Variants in GSE1 observed in about 807,000 individuals in gnomAD.
The protein encoded by GSE1 is genetic suppressor element 1.
GSE1 carries 32 observed loss-of-function variants against 112.6 expected under a neutral mutation model. The ratio of observed to expected loss-of-function variants is 0.28; its 90% CI spans 0.21 to 0.38. The LOEUF (loss-of-function observed/expected upper bound fraction) is 0.38. GSE1 is among the 10% of genes least tolerant of loss of function. GSE1 has a pLI of 1.00. For synonymous variants in GSE1, 1,115 were observed against 735.6 expected, an observed-to-expected ratio of 1.52 and a Z score of -8.35; for missense variants, 2,348 against 1,699.2, an observed-to-expected ratio of 1.38 and a Z score of -6.71.
At chr16:85,259,761 CT>C (rs1333389356) in intron 1 of GSE1, among the ~76,000 whole-genome samples, 6 of 152,226 alleles carry the variant, frequency 3.9e-5, no homozygotes, top group Admixed American at 6.5e-5. Context: ...TGCTCCTGCA[CT>C]GTACTGGGAC....
At chr16:85,490,338 G>C (rs1330041410) in intron 2 of GSE1, 1 of 152,264 alleles carries the variant, frequency 6.6e-6, no homozygotes, top group Non-Finnish European at 1.5e-5. Flanking sequence ...CCCTGATTCT[G>C]CTGCCCTGGG....
chr16:85,300,231 C>T (rs541430952), intron 1 of GSE1, among the ~76,000 whole-genome samples: 2 of 152,224 alleles, frequency 1.3e-5, no homozygotes, highest in South Asian at 2.1e-4. Context: ...AGGCTGGTCT[C>T]GAACTCCTGA....
intron 1 of GSE1, among the ~76,000 whole-genome samples, chr16:85,211,745 CGA>C (rs1189927698): frequency 3.3e-5 from 5 of 152,284 alleles, no homozygotes; most frequent in Non-Finnish European, 7.4e-5. Context: ...TGGGCACCCG[CGA>C]GAGAGGTATC....
At chr16:85,566,547 TTTC>T (rs2045755858) in intron 1 of GSE1, among the ~76,000 whole-genome samples, 1 of 152,146 alleles carries the variant, frequency 6.6e-6, no homozygotes, top group African/African-American at 2.4e-5. Context: ...TTGTTATAGA[TTTC>T]TTCTTCCACC....
At chr16:85,469,456 G>A (rs990595546) in intron 2 of GSE1, among the ~76,000 whole-genome samples, 5 of 152,166 alleles carry the variant, frequency 3.3e-5, no homozygotes, top group African/African-American at 9.7e-5. Flanking sequence ...TTGTGGGAGC[G>A]GGGTTGGACA....
chr16:85,343,362 G>A (rs1300914330), intron 1 of GSE1, among the ~76,000 whole-genome samples: 2 of 152,236 alleles, frequency 1.3e-5, no homozygotes, highest in East Asian at 1.9e-4. Context: ...GGGTACTACA[G>A]TGAGCAAGGG....
intron 1 of GSE1, among the ~76,000 whole-genome samples, chr16:85,587,983 C>T (rs944349572): frequency 3.3e-5 from 5 of 152,184 alleles, no homozygotes; most frequent in African/African-American, 7.2e-5. Context: ...CCTCGGTCAT[C>T]GTAATTGGTC....
chr16:85,457,145 A>T (rs961770284), intron 2 of GSE1, among the ~76,000 whole-genome samples: 4 of 152,198 alleles, frequency 2.6e-5, no homozygotes, highest in African/African-American at 9.6e-5. Context: ...AAGAAAGGGC[A>T]GCGGGGTCTG....
intron 2 of GSE1, among the ~76,000 whole-genome samples, chr16:85,362,138 A>G (rs1451414552): frequency 6.6e-6 from 1 of 152,224 alleles, no homozygotes; most frequent in Non-Finnish European, 1.5e-5. Context: ...TCTGGCAGGC[A>G]AGGCCCAAAC....
At chr16:85,177,159 G>A (rs2074484269) in intron 1 of GSE1, among the ~76,000 whole-genome samples, 1 of 152,236 alleles carries the variant, frequency 6.6e-6, no homozygotes, top group South Asian at 2.1e-4. Context: ...TCAAAACTCG[G>A]CCTCCCCTGG....
rs148462976 is a variant in GSE1, at chr16:85,545,986, T to C, written c.2465-87928T>C. ...ATTTTTAGTAGAGACGGGGTTTCACTGTGTTAGCCAGGATGGTCTCGATCT... is the reference window on the plus strand; with the variant it reads ...ATTTTTAGTAGAGACGGGGTTTCACCGTGTTAGCCAGGATGGTCTCGATCT... On this transcript the variant is annotated intron_variant, in intron 2 of 2. Transcript: ENST00000637419. 8.1e-3 allele frequency among the ~76,000 whole-genome samples: 1,232 copies of C among 152,220 alleles called. 20 individuals carry two copies. Among genetic ancestry groups the C allele is most frequent in the African/African-American group, 0.027 (1,117 of 41,536 alleles).
chr16:85,435,211 C>T (rs1047812902), intron 2 of GSE1, among the ~76,000 whole-genome samples: 1 of 152,346 alleles, frequency 6.6e-6, no homozygotes, highest in South Asian at 2.1e-4. Flanking sequence ...GCCCTGCACA[C>T]GCCAGGAGGT....
At chr16:85,583,831 G>C (rs1395258893) in intron 1 of GSE1, among the ~76,000 whole-genome samples, 1 of 152,214 alleles carries the variant, frequency 6.6e-6, no homozygotes, top group Non-Finnish European at 1.5e-5. Flanking sequence ...TGGAGGGGCT[G>C]TCTGGAGCCT....
intron 1 of GSE1, among the ~76,000 whole-genome samples, chr16:85,561,334 G>C (rs368200747): frequency 3.3e-5 from 5 of 152,322 alleles, no homozygotes; most frequent in African/African-American, 1.2e-4. Context: ...ATCCTGGGCA[G>C]TCTGGCTCCA....
At chr16:85,345,306 C>T (rs532565846) in intron 1 of GSE1, among the ~76,000 whole-genome samples, 2 of 152,324 alleles carry the variant, frequency 1.3e-5, no homozygotes, top group South Asian at 2.1e-4. Flanking sequence ...ATTGGAACAG[C>T]CACACATGTT....
chr16:85,434,278 C>T (rs2151765696), intron 2 of GSE1, among the ~76,000 whole-genome samples: 1 of 151,454 alleles, frequency 6.6e-6, no homozygotes, highest in South Asian at 2.1e-4. Context: ...CCATCTAGGG[C>T]ATGGCCTAGG....
intron 2 of GSE1, among the ~76,000 whole-genome samples, chr16:85,466,149 A>G (rs918751293): frequency 4.6e-5 from 7 of 152,228 alleles, no homozygotes; most frequent in Non-Finnish European, 2.9e-5. Context: ...ACACGTGGTC[A>G]GTGTTGAAAG....
intron 2 of GSE1, among the ~76,000 whole-genome samples, chr16:85,638,819 G>A (rs576605034): frequency 9.9e-5 from 15 of 151,766 alleles, no homozygotes; most frequent in South Asian, 8.3e-4. Context: ...CTGGGAGGGC[G>A]TGTGCTTCCC....
intron 1 of GSE1, among the ~76,000 whole-genome samples, chr16:85,302,155 C>T (rs1329284722): frequency 6.6e-6 from 1 of 152,140 alleles, no homozygotes; most frequent in African/African-American, 2.4e-5. Context: ...AGAGGAGACA[C>T]AGCCCAGGAA....
Sources: gnomAD v4.1 joint callset for allele counts (sites outside exome capture counted in the v4.1 genomes callset) on GRCh38, gnomAD v4.1.1 for gene constraint, MANE v1.5 for transcripts, NCBI Gene and HGNC (gene_info 2026-07-23, HGNC 2026-07-21) for gene names.